ZFP91: variants seen among roughly 807,000 people sequenced by gnomAD.
ZFP91 encodes the protein ZFP91 zinc finger protein, atypical E3 ubiquitin ligase.
In ZFP91, 7 loss-of-function variants were observed where a neutral mutation model predicts 63.5. The observed-to-expected ratio is 0.11, with a 90% CI of 0.06 to 0.21. The LOEUF (loss-of-function observed/expected upper bound fraction) is 0.21. Among genes scored for constraint, ZFP91 ranks in the 10% least tolerant of loss-of-function variants. ZFP91 has a pLI of 1.00. For synonymous variants in ZFP91, 330 were observed against 272.1 expected, an observed-to-expected ratio of 1.21 and a Z score of -2.10; for missense variants, 628 against 736.6, an observed-to-expected ratio of 0.85 and a Z score of 1.71.
chr11:58,589,620 A>G (rs1425408166), intron 2 of ZFP91, among the ~76,000 whole-genome samples: 1 of 152,232 alleles, frequency 6.6e-6, no homozygotes, highest in Non-Finnish European at 1.5e-5. Context: ...TCAAGCCTCA[A>G]AGGCTAAATA....
At chr11:58,590,595 A>G (rs1459569896) in intron 2 of ZFP91, among the ~76,000 whole-genome samples, 1 of 152,230 alleles carries the variant, frequency 6.6e-6, no homozygotes, top group African/African-American at 2.4e-5. Context: ...TAAAATTTAT[A>G]TTAGTATTTA....
Position 58,610,036 on chromosome 11 carries a change from T to C in ZFP91, c.577T>C (p.Tyr193His). The change falls in exon 3 of 11, where the codon TAT (tyrosine) becomes CAT (histidine). Residue 193 changes from tyrosine (Y) to histidine (H), a missense_variant. By Grantham distance (83) the Tyr-to-His change is moderately conservative (BLOSUM62 2). Around this residue, in one of 3 missense-constraint regions of ZFP91, gnomAD observed 437 missense variants for 380.3 expected, o/e 1.15. Transcript: ENST00000316059. ...AGAACCAAATACAGACCAACTTGAT[T>C]ATGGTACAGTGCAACTAGAATATGG... ...KSEPNTDQLD[Y>H]DVGEEHQSPG... 1 of 1,614,154 alleles carries C rather than the reference T, an allele frequency of 6.2e-7. No individual in the cohort carries two copies.
intron 1 of ZFP91, among the ~76,000 whole-genome samples, chr11:58,580,179 G>C (rs1177532246): frequency 1.3e-5 from 2 of 150,606 alleles, no homozygotes; most frequent in Non-Finnish European, 2.9e-5. Flanking sequence ...CAGGTTAAAA[G>C]CCCACTGCTA....
chr11:58,597,154 C>G (rs1035705874), intron 2 of ZFP91, among the ~76,000 whole-genome samples: 1 of 152,118 alleles, frequency 6.6e-6, no homozygotes, highest in Non-Finnish European at 1.5e-5. Context: ...AAAATTAGTT[C>G]TTGTTTTCCT....
chr11:58,579,961 C>T (rs887639182), intron 1 of ZFP91, among the ~76,000 whole-genome samples: 2 of 152,196 alleles, frequency 1.3e-5, no homozygotes, highest in Admixed American at 6.5e-5. Context: ...CTATCCCTTT[C>T]CTTTAGGCGG....
intron 2 of ZFP91, among the ~76,000 whole-genome samples, chr11:58,599,825 G>C (rs1342819760): frequency 6.6e-6 from 1 of 151,988 alleles, no homozygotes; most frequent in African/African-American, 2.4e-5. Flanking sequence ...GCTAGCTCCT[G>C]TGTTTAGGTC....
At chr11:58,612,690 T>G (rs1855685752) in intron 7 of ZFP91, 72 bp from the exon 8 acceptor site, 1 of 1,177,072 alleles carries the variant, frequency 8.5e-7, no homozygotes, top group Non-Finnish European at 1.2e-6. Flanking sequence ...TAGCACAGTT[T>G]AAGTCAGAGG....
At chr11:58,586,116 T>C (rs1855204676) in intron 2 of ZFP91, among the ~76,000 whole-genome samples, 1 of 152,202 alleles carries the variant, frequency 6.6e-6, no homozygotes, top group Non-Finnish European at 1.5e-5. Context: ...ACATTTCTTA[T>C]TCAGAGATCA....
chr11:58,596,874 C>G (rs1224042197), intron 2 of ZFP91, among the ~76,000 whole-genome samples: 1 of 152,114 alleles, frequency 6.6e-6, no homozygotes, highest in African/African-American at 2.4e-5. Context: ...ATGATGTTCT[C>G]TCTATTGGGA....
Position 58,579,404 on chromosome 11 carries a change from T to C in ZFP91, c.123T>C (p.Pro41=). Residue 41 remains proline, a synonymous_variant, in exon 1 of 11, where the codon CCT becomes CCC. Coordinates refer to ENST00000316059, the MANE Select transcript of ZFP91 (RefSeq NM_053023.5). The part of the protein sequence containing the change: ...QRPPEAVAAA[P]AGTTSSRVLR... ...CCCCTGAGGCGGTCGCGGCGGCGCC[T>C]GCAGGGACCACTAGCAGCCGCGTGC... The C allele has an allele frequency of 6.8e-7, 1 of 1,461,098 alleles. No homozygotes were observed. The highest frequency in any genetic ancestry group is 9.0e-7 in the Non-Finnish European group (1 of 1,114,158). 90.5% of individuals were successfully genotyped at this position (1,461,098 alleles called of 1,614,324 possible). A position where few individuals can be genotyped will look rare whatever the true frequency, so the allele number is the denominator to read the frequency against.
At chr11:58,590,194 A>G (rs1191717419) in intron 2 of ZFP91, among the ~76,000 whole-genome samples, 1 of 152,232 alleles carries the variant, frequency 6.6e-6, no homozygotes, top group African/African-American at 2.4e-5. Flanking sequence ...TCATTTTGAA[A>G]TGAGCCTTAG....
At chr11:58,593,313 A>G (rs1318140539) in intron 2 of ZFP91, among the ~76,000 whole-genome samples, 1 of 152,234 alleles carries the variant, frequency 6.6e-6, no homozygotes, top group African/African-American at 2.4e-5. Context: ...ATGAAACTGC[A>G]TGGGTCCCCT....
intron 2 of ZFP91, among the ~76,000 whole-genome samples, chr11:58,596,876 C>T (rs1005298660): frequency 6.6e-6 from 1 of 152,108 alleles, no homozygotes; most frequent in Non-Finnish European, 1.5e-5. Context: ...GATGTTCTCT[C>T]TATTGGGATT....
At chr11:58,614,164 A>T in intron 8 of ZFP91, 65 bp from the exon 9 acceptor site, 1 of 1,056,952 alleles carries the variant, frequency 9.5e-7, no homozygotes, top group Non-Finnish European at 1.4e-6. Context: ...TGACTTAGCA[A>T]AGACAAGTAC....
chr11:58,581,210 A>G (rs1158978581), intron 1 of ZFP91, among the ~76,000 whole-genome samples: 1 of 150,114 alleles, frequency 6.7e-6, no homozygotes, highest in African/African-American at 2.4e-5. Context: ...TATGCAAAAT[A>G]TGATTTTTTC....
intron 6 of ZFP91, 95 bp downstream of exon 6, chr11:58,611,833 A>G (rs533260360): frequency 3.8e-5 from 53 of 1,387,292 alleles, no homozygotes; most frequent in African/African-American, 5.9e-5. Flanking sequence ...TGACGTATAC[A>G]TGCTTCAAAA....
At chr11:58,616,675 G>C (rs1355860517) in intron 9 of ZFP91, 41 bp from the exon 10 acceptor site, 5 of 1,530,748 alleles carry the variant, frequency 3.3e-6, no homozygotes, top group Non-Finnish European at 3.6e-6. Context: ...ATATTTACAG[G>C]GTATCTAAAT....
intron 1 of ZFP91, among the ~76,000 whole-genome samples, chr11:58,584,118 T>A (rs908424389): frequency 6.6e-6 from 1 of 152,038 alleles, no homozygotes; most frequent in Non-Finnish European, 1.5e-5. Flanking sequence ...TGGGGGTTTT[T>A]AAAAAAATCT....
intron 2 of ZFP91, among the ~76,000 whole-genome samples, chr11:58,604,129 C>T (rs148110433): frequency 4.1e-4 from 63 of 152,248 alleles, no homozygotes; most frequent in Non-Finnish European, 7.1e-4. Flanking sequence ...AATTTTATCC[C>T]TCCAAAAATG....
Sources: gnomAD v4.1 joint callset for allele counts (sites outside exome capture counted in the v4.1 genomes callset) on GRCh38, gnomAD v4.1.1 for gene constraint, gnomAD v4.1.1 regional missense constraint, MANE v1.5 for transcripts, NCBI Gene and HGNC (gene_info 2026-07-23, HGNC 2026-07-21) for gene names.